The following ARK2C variants were observed in gnomAD, a reference collection of about 807,000 sequenced individuals.
The protein encoded by ARK2C is E3 ubiquitin-protein ligase ARK2C.
chr18:46,381,951 G>A, the ARK2C span, among the ~76,000 whole-genome samples: 1 of 152,174 alleles, frequency 6.6e-6, no homozygotes, highest in East Asian at 1.9e-4. Flanking sequence ...TTTGGCTTAA[G>A]CACCCGCAGG....
chr18:46,344,587 C>T, the ARK2C span, among the ~76,000 whole-genome samples: 1 of 152,214 alleles, frequency 6.6e-6, no homozygotes, highest in Non-Finnish European at 1.5e-5. Context: ...GGCCCTTCCC[C>T]AGGGGACCTT....
At chr18:46,390,347 C>A in the ARK2C span, among the ~76,000 whole-genome samples, 2 of 152,190 alleles carry the variant, frequency 1.3e-5, no homozygotes, top group African/African-American at 4.8e-5. Context: ...GGTGTTGGTG[C>A]AGGAATGGGG....
the ARK2C span, among the ~76,000 whole-genome samples, chr18:46,454,256 T>C: frequency 6.9e-6 from 1 of 145,832 alleles, no homozygotes; most frequent in Non-Finnish European, 1.5e-5. Flanking sequence ...GGCAAAAAAA[T>C]AGTAGAAAGT....
the ARK2C span, among the ~76,000 whole-genome samples, chr18:46,403,875 CA>C: frequency 2.0e-5 from 3 of 151,806 alleles, no homozygotes; most frequent in Admixed American, 6.6e-5. Flanking sequence ...AGACTCTGTC[CA>C]AAAAAACAAA....
At chr18:46,392,268 C>T in the ARK2C span, among the ~76,000 whole-genome samples, 3 of 152,224 alleles carry the variant, frequency 2.0e-5, no homozygotes, top group African/African-American at 4.8e-5. Flanking sequence ...ACCTTAGATC[C>T]GCCTCTTGCC....
At chr18:46,379,975 A>G in the ARK2C span, among the ~76,000 whole-genome samples, 2 of 152,184 alleles carry the variant, frequency 1.3e-5, no homozygotes, top group Non-Finnish European at 2.9e-5. Flanking sequence ...GGAACGTCAG[A>G]GAAGAGATGA....
the ARK2C span, among the ~76,000 whole-genome samples, chr18:46,368,607 G>A: frequency 6.6e-6 from 1 of 152,210 alleles, no homozygotes; most frequent in African/African-American, 2.4e-5. Context: ...TTTCAGGACA[G>A]CTCTATGGAG....
At chr18:46,356,860 A>G in the ARK2C span, among the ~76,000 whole-genome samples, 39 of 152,322 alleles carry the variant, frequency 2.6e-4, no homozygotes, top group African/African-American at 8.4e-4. Context: ...CTTTACATTC[A>G]GGGAAAACGG....
the ARK2C span, among the ~76,000 whole-genome samples, chr18:46,369,870 G>A: frequency 6.6e-6 from 1 of 152,202 alleles, no homozygotes; most frequent in Non-Finnish European, 1.5e-5. Context: ...AGAGCCCGGG[G>A]CCCGTTGGGC....
chr18:46,408,412 C>T, the ARK2C span, among the ~76,000 whole-genome samples: 1 of 152,214 alleles, frequency 6.6e-6, no homozygotes, highest in Admixed American at 6.5e-5. Flanking sequence ...GCACACGCAC[C>T]TGCGATGACA....
the ARK2C span, among the ~76,000 whole-genome samples, chr18:46,396,628 G>A: frequency 1.2e-4 from 18 of 152,318 alleles, no homozygotes; most frequent in African/African-American, 3.4e-4. Flanking sequence ...TGTCCACTGA[G>A]CTCAGCCCTA....
the ARK2C span, among the ~76,000 whole-genome samples, chr18:46,349,388 G>A: frequency 1.3e-5 from 2 of 152,196 alleles, no homozygotes; most frequent in Admixed American, 6.5e-5. Flanking sequence ...CTTTTATAAC[G>A]GCACTAATTC....
chr18:46,375,417 G>A, the ARK2C span, among the ~76,000 whole-genome samples: 18 of 151,966 alleles, frequency 1.2e-4, no homozygotes, highest in Non-Finnish European at 2.1e-4. Flanking sequence ...AGCTGGGTAT[G>A]GTGGTACACA....
chr18:46,447,139 A>G, the ARK2C span, among the ~76,000 whole-genome samples: 1 of 152,188 alleles, frequency 6.6e-6, no homozygotes, highest in East Asian at 1.9e-4. Context: ...GTCTAGGTGT[A>G]GAGTTCTCTC....
chr18:46,341,964 C>T, the ARK2C span, among the ~76,000 whole-genome samples: 3 of 152,160 alleles, frequency 2.0e-5, no homozygotes, highest in Non-Finnish European at 4.4e-5. Flanking sequence ...GGGAGGGAGC[C>T]CGACCCAGTA....
chr18:46,367,406 G>T, the ARK2C span, among the ~76,000 whole-genome samples: 4 of 152,112 alleles, frequency 2.6e-5, no homozygotes, highest in Non-Finnish European at 5.9e-5. Context: ...GAAACAATTT[G>T]TCCATAGTAG....
At chr18:46,399,499 T>C in the ARK2C span, among the ~76,000 whole-genome samples, 1 of 152,174 alleles carries the variant, frequency 6.6e-6, no homozygotes, top group Non-Finnish European at 1.5e-5. Flanking sequence ...TTTGCTCGTG[T>C]TGCTGTGGTT....
chr18:46,389,024 G>T, the ARK2C span, among the ~76,000 whole-genome samples: 1 of 152,156 alleles, frequency 6.6e-6, no homozygotes, highest in Admixed American at 6.5e-5. Flanking sequence ...CAGAATCAGG[G>T]TCCTATCTTG....
the ARK2C span, among the ~76,000 whole-genome samples, chr18:46,380,389 T>G: frequency 6.6e-6 from 1 of 152,190 alleles, no homozygotes; most frequent in African/African-American, 2.4e-5. Context: ...CCAGAGGAAC[T>G]TGCTTAAGGT....
Sources: allele counts gnomAD v4.1 joint callset (sites outside exome capture counted in the v4.1 genomes callset), GRCh38; gene constraint gnomAD v4.1.1; transcripts MANE v1.5; gene names NCBI Gene and HGNC (gene_info 2026-07-23, HGNC 2026-07-21).